Variants in SIPA1L2 observed in about 807,000 individuals in gnomAD.
The protein encoded by SIPA1L2 is signal-induced proliferation-associated 1-like protein 2.
Under a neutral mutation model 163.9 loss-of-function variants are expected in SIPA1L2, and 56 were observed. The observed-to-expected ratio is 0.34, with a 90% CI of 0.28 to 0.43. SIPA1L2 has a LOEUF of 0.43. SIPA1L2 is among the 20% of genes least tolerant of loss of function. The pLI, the probability that SIPA1L2 is intolerant of heterozygous loss-of-function variation, is 1.00. For missense variants in SIPA1L2, 1,974 were observed against 2,193.5 expected (o/e 0.90, Z 2.00); for synonymous variants, 877 against 865.7 (o/e 1.01, Z -0.23).
chr1:232,470,070 G>C (rs1664725427), intron 8 of SIPA1L2, among the ~76,000 whole-genome samples: 1 of 152,014 alleles, frequency 6.6e-6, no homozygotes. Flanking sequence ...ATCCAATTAG[G>C]AAGGTTCATT....
chr1:232,449,380 C>T (rs973531880), intron 10 of SIPA1L2, among the ~76,000 whole-genome samples: 11 of 151,630 alleles, frequency 7.3e-5, no homozygotes, highest in Middle Eastern at 3.2e-3. Flanking sequence ...TGGCCGGGCA[C>T]GGTGGTGGGC....
rs191449207 is a variant in SIPA1L2 at position 232,448,096 on chromosome 1, G to A, written c.3096-2310C>T. ...CAGCTCCCTAAAAGGTCACAGGCTA[G>A]ACAGCTTTCCCATGTGCTCAAGCGA... On this transcript the variant is annotated intron_variant, in intron 10 of 22. Transcript: ENST00000674635. Among the ~76,000 whole-genome samples the A allele has an allele frequency of 1.5e-3, 227 of 152,292 alleles. 1 individual carries two copies. Among genetic ancestry groups the A allele is most frequent in the African/African-American group, 5.1e-3 (213 of 41,554 alleles).
At chr1:232,560,222 CA>C (rs1293931862) in intron 2 of SIPA1L2, among the ~76,000 whole-genome samples, 1 of 152,258 alleles carries the variant, frequency 6.6e-6, no homozygotes, top group Non-Finnish European at 1.5e-5. Context: ...TCCTGTCCAT[CA>C]GACTATTGGG....
intron 2 of SIPA1L2, among the ~76,000 whole-genome samples, chr1:232,558,784 C>A (rs1248605414): frequency 6.6e-6 from 1 of 152,126 alleles, no homozygotes; most frequent in African/African-American, 2.4e-5. Context: ...CCATGTGCAT[C>A]AAGTTTTATG....
chr1:232,621,277 C>T (rs1207985697), intron 1 of SIPA1L2, among the ~76,000 whole-genome samples: 1 of 152,132 alleles, frequency 6.6e-6, no homozygotes, highest in South Asian at 2.1e-4. Flanking sequence ...GCTCATTAGC[C>T]CAACCCTCAG....
Position 232,445,740 on chromosome 1 carries a change from C to G in SIPA1L2, c.3142G>C (p.Asp1048His), listed in dbSNP as rs192387110. ...TACTCGCAGGGGGTGCCCTCGCTGT[C>G]GAGTTTATATTCCACCATAGGGATC... Reference protein sequence around the residue: ...CRIPMVEYKLDSEGTPCEYKT... With the variant: ...CRIPMVEYKLHSEGTPCEYKT... Residue 1048 changes from aspartate to histidine, a missense_variant, in exon 11 of 23, where the codon GAC becomes CAC. By Grantham distance (81) the Asp-to-His change is moderately conservative. Around this residue, in one of 3 missense-constraint regions of SIPA1L2, gnomAD observed 1,079 missense variants for 1,150.7 expected, o/e 0.94. Transcript: ENST00000674635. 6.2e-7 allele frequency: 1 copy of G among 1,613,604 alleles called. No individual in the cohort carries two copies. The highest frequency in any genetic ancestry group is 8.5e-7 in the Non-Finnish European group (1 of 1,179,922).
intron 10 of SIPA1L2, among the ~76,000 whole-genome samples, chr1:232,460,258 G>A (rs1359628): frequency 0.028 from 4,269 of 152,102 alleles, 182 homozygotes; most frequent in Admixed American, 0.12. Context: ...TTCTAACCCC[G>A]TTCTTATCCC....
chr1:232,554,654 T>A (rs1198790550), intron 2 of SIPA1L2, among the ~76,000 whole-genome samples: 1 of 152,212 alleles, frequency 6.6e-6, no homozygotes, highest in Non-Finnish European at 1.5e-5. Flanking sequence ...ATCTTGACAC[T>A]GTCACACACG....
At chr1:232,502,657 T>C (rs1666539188) in intron 3 of SIPA1L2, among the ~76,000 whole-genome samples, 1 of 152,192 alleles carries the variant, frequency 6.6e-6, no homozygotes, top group African/African-American at 2.4e-5. Context: ...TCCACTTTCT[T>C]ATTGCGAACA....
rs1204503446 is a variant in SIPA1L2 at position 232,462,110 on chromosome 1, A to C, written c.2821-949T>G. The C allele has an allele frequency of 5.9e-6, 6 of 1,021,764 alleles. No homozygotes were observed. The South Asian group carries it at 8.1e-5, about 14-fold the overall frequency. The allele number at this position is 1,021,764 out of a possible 1,614,324, so 63.3% of individuals were successfully genotyped here. On this transcript the variant is annotated intron_variant, in intron 9 of 22. Transcript: ENST00000674635. ...GAGAGAGTCAACAGCAGTTCCACAA[A>C]AAGGAACATGAAAGAAGAATGGTGG... is the stretch of plus-strand genomic sequence containing the variant.
intron 1 of SIPA1L2, among the ~76,000 whole-genome samples, chr1:232,628,938 A>T (rs1663223398): frequency 6.6e-6 from 1 of 152,196 alleles, no homozygotes; most frequent in African/African-American, 2.4e-5. Flanking sequence ...TTTTAAAAAA[A>T]AGCCATCCTT....
rs143097801 is a variant in SIPA1L2 at position 232,626,258 on chromosome 1, T to A, written c.-319+3611A>T. Among the ~76,000 whole-genome samples the A allele has an allele frequency of 2.5e-4, 35 of 137,698 alleles. No homozygotes were observed. The East Asian group carries it at 7.7e-3, about 30-fold the overall frequency. The allele number at this position is 137,698 out of a possible 152,430, so 90.3% of individuals were successfully genotyped here. A position where few individuals can be genotyped will look rare whatever the true frequency, so the allele number is the denominator to read the frequency against. On this transcript the variant is annotated intron_variant, in intron 1 of 22. Coordinates refer to ENST00000674635, the MANE Select transcript of SIPA1L2 (RefSeq NM_020808.5). ...TTTTTTTTTTTTTTCATTTTACAGG[T>A]AGACGAAAACAAAAGGTATAGGAAC... is the stretch of plus-strand genomic sequence containing the variant.
In SIPA1L2 at chr1:232,465,333, A is replaced by G; in HGVS notation, c.2327T>C (p.Phe776Ser). Residue 776 changes from phenylalanine to serine, a missense_variant, in exon 9 of 23, where the codon TTC becomes TCC. Transcript: ENST00000674635. The surrounding 1 kb of genome is among the most constrained non-coding windows in gnomAD (Gnocchi z 4.1). ...TACTTTGGCTAAAAGGAAGTCCCGGAACACGGCTGACTTTGGAAAAGTTAC... is the reference window on the plus strand; with the variant it reads ...TACTTTGGCTAAAAGGAAGTCCCGGGACACGGCTGACTTTGGAAAAGTTAC... ...KGVTFPKSAV[F>S]RDFLLAKVIN... 1 of 1,614,196 alleles carries G rather than the reference A, an allele frequency of 6.2e-7. No homozygotes were observed. The highest frequency in any genetic ancestry group is 8.5e-7 in the Non-Finnish European group (1 of 1,180,024).
intron 1 of SIPA1L2, among the ~76,000 whole-genome samples, 166 bp from the exon 2 acceptor site, chr1:232,574,388 C>T (rs775080033): frequency 4.6e-5 from 7 of 152,086 alleles, no homozygotes; most frequent in South Asian, 2.1e-4. Flanking sequence ...CCCCAGTGTT[C>T]GATGGAGTTT....
At chr1:232,486,198 G>A (rs937116741) in intron 5 of SIPA1L2, among the ~76,000 whole-genome samples, 7 of 152,162 alleles carry the variant, frequency 4.6e-5, no homozygotes, top group Non-Finnish European at 8.8e-5. Context: ...TGCATGGTAT[G>A]TCAAGCAGAG....
chr1:232,433,726 G>A (rs1174705085), intron 15 of SIPA1L2, among the ~76,000 whole-genome samples: 3 of 151,972 alleles, frequency 2.0e-5, no homozygotes, highest in Non-Finnish European at 4.4e-5. Context: ...AAAAACAAAA[G>A]TTACTTTATA....
chr1:232,504,865 T>C (rs1666655748), intron 3 of SIPA1L2, among the ~76,000 whole-genome samples: 2 of 152,218 alleles, frequency 1.3e-5, no homozygotes, highest in African/African-American at 2.4e-5. Context: ...AGTCACAATC[T>C]GGTGGGACAG....
At chr1:232,413,003 C>G (rs1375974583) in intron 19 of SIPA1L2, among the ~76,000 whole-genome samples, 1 of 152,156 alleles carries the variant, frequency 6.6e-6, no homozygotes, top group Non-Finnish European at 1.5e-5. Flanking sequence ...TACCTGAGGG[C>G]ACTGGCTAGG....
At chr1:232,496,621 TA>T (rs1666208700) in intron 3 of SIPA1L2, among the ~76,000 whole-genome samples, 2 of 151,592 alleles carry the variant, frequency 1.3e-5, no homozygotes. Context: ...TTCAGACTAC[TA>T]AACTAAGTAG....
Sources: allele counts gnomAD v4.1 joint callset (sites outside exome capture counted in the v4.1 genomes callset), GRCh38; gene constraint gnomAD v4.1.1; regional missense constraint gnomAD v4.1.1; non-coding constraint Gnocchi (gnomAD v3.1); transcripts MANE v1.5; gene names NCBI Gene and HGNC (gene_info 2026-07-23, HGNC 2026-07-21).